The following FOCAD variants were observed in gnomAD, a reference collection of about 807,000 sequenced individuals.
FOCAD encodes focadhesin, also known as KIAA1797.
Under a neutral mutation model 225.6 loss-of-function variants are expected in FOCAD, and 198 were observed. The observed-to-expected ratio is 0.88, with a 90% CI of 0.78 to 0.99. The LOEUF (loss-of-function observed/expected upper bound fraction) is 0.99. Among genes scored for constraint, FOCAD ranks in the 50% least tolerant of loss-of-function variants. The pLI is 0.00. For missense variants in FOCAD, 2,713 were observed against 2,123.6 expected (o/e 1.28, Z -5.46); for synonymous variants, 897 against 755.0 (o/e 1.19, Z -3.08).
intron 4 of FOCAD, among the ~76,000 whole-genome samples, chr9:20,721,070 G>A (rs150141526): frequency 1.4e-4 from 22 of 152,260 alleles, no homozygotes; most frequent in African/African-American, 5.1e-4. Flanking sequence ...ACAGACTGAG[G>A]TAATAGGACA....
intron 22 of FOCAD, among the ~76,000 whole-genome samples, chr9:20,911,254 G>T (rs930976140): frequency 6.6e-6 from 1 of 152,104 alleles, no homozygotes; most frequent in Non-Finnish European, 1.5e-5. Flanking sequence ...TGATATGATT[G>T]AAGCAAATGA....
chr9:20,907,924 A>C (rs1407933938), intron 22 of FOCAD, among the ~76,000 whole-genome samples: 1 of 151,952 alleles, frequency 6.6e-6, no homozygotes, highest in Non-Finnish European at 1.5e-5. Flanking sequence ...TTTGGCGAGG[A>C]CTTCCAGTTG....
rs367913356 is a variant in FOCAD at position 20,789,441 on chromosome 9, G to A, written c.1288G>A (p.Ala430Thr). 6.2e-7 allele frequency: 1 copy of A among 1,613,904 alleles called. No homozygotes were observed. ...TCTTGAAGTAATGACAGACTCGTCT[G>A]CTGCAAGTGACTGGTTGGCTTCAGT... is the stretch of plus-strand genomic sequence containing the variant. ...RILEVMTDSS[A>T]ASDWLASVES... is the part of the protein sequence containing the mutation. The change falls in exon 11 of 44, where the codon GCT becomes ACT. Residue 430 changes from alanine to threonine, a missense_variant. Ala to Thr is a moderately conservative substitution (Grantham distance 58). Transcript: ENST00000338382.
At chr9:20,664,081 A>G (rs1821824270) in intron 2 of FOCAD, among the ~76,000 whole-genome samples, 1 of 152,050 alleles carries the variant, frequency 6.6e-6, no homozygotes, top group South Asian at 2.1e-4. Flanking sequence ...GTTTTTATTA[A>G]TTATTAATGA....
chr9:20,819,650 G>T, intron 11 of FOCAD, 146 bp from the exon 12 acceptor site: 1 of 427,754 alleles, frequency 2.3e-6, no homozygotes, highest in South Asian at 7.1e-5. Flanking sequence ...ATTATCATTA[G>T]CAAGTAATAG....
intron 28 of FOCAD, among the ~76,000 whole-genome samples, chr9:20,935,245 G>A (rs1191753188): frequency 6.6e-6 from 1 of 152,134 alleles, no homozygotes; most frequent in African/African-American, 2.4e-5. Context: ...CCAGGTTTCA[G>A]CAATAGACAA....
rs117069874 is a variant in FOCAD, at chr9:20,957,119, G to A, written c.4132+4054G>A. On this transcript the variant is annotated intron_variant, in intron 35 of 43. Coordinates refer to ENST00000338382, the MANE Select transcript of FOCAD (RefSeq NM_001375567.1). The stretch of plus-strand genomic sequence containing the variant: ...GGCTCTATCACCCAGGGTGAAGTGC[G>A]GTGGCACGATCATGGCTTACTGCAA... Among the ~76,000 whole-genome samples the A allele has an allele frequency of 6.5e-3, 994 of 152,236 alleles. 8 individuals are homozygous for A. Among genetic ancestry groups the A allele is most frequent in the Non-Finnish European group, 0.012 (816 of 68,020 alleles).
At chr9:20,782,630 A>G (rs530371064) in intron 10 of FOCAD, among the ~76,000 whole-genome samples, 2 of 152,358 alleles carry the variant, frequency 1.3e-5, no homozygotes, top group South Asian at 4.1e-4. Context: ...GCCTTTATCA[A>G]AATGAAACAT....
At chr9:20,893,996 G>C (rs1356201158) in intron 21 of FOCAD, among the ~76,000 whole-genome samples, 1 of 152,062 alleles carries the variant, frequency 6.6e-6, no homozygotes, top group African/African-American at 2.4e-5. Flanking sequence ...ATACACAGTA[G>C]TTTTGCTTTC....
At chr9:20,922,507 A>G (rs1034392207) in intron 24 of FOCAD, among the ~76,000 whole-genome samples, 1 of 152,234 alleles carries the variant, frequency 6.6e-6, no homozygotes, top group Non-Finnish European at 1.5e-5. Context: ...CAGAAATGCA[A>G]GAACACATGT....
chr9:20,671,110 C>A (rs756115825), intron 2 of FOCAD, among the ~76,000 whole-genome samples: 5 of 152,022 alleles, frequency 3.3e-5, no homozygotes, highest in Non-Finnish European at 7.4e-5. Flanking sequence ...ATTATTATAT[C>A]ATGGATATAA....
intron 18 of FOCAD, among the ~76,000 whole-genome samples, chr9:20,869,560 A>G (rs960109497): frequency 1.3e-5 from 2 of 152,154 alleles, no homozygotes; most frequent in African/African-American, 4.8e-5. Flanking sequence ...TTAGGGTTGA[A>G]TGAAACAGTA....
chr9:20,833,490 A>C (rs1219489774), intron 15 of FOCAD, among the ~76,000 whole-genome samples: 1 of 152,080 alleles, frequency 6.6e-6, no homozygotes, highest in Admixed American at 6.6e-5. Context: ...ATAAGACAGG[A>C]AGATCTCGCA....
chr9:20,926,597 A>C (rs184767744), intron 26 of FOCAD, among the ~76,000 whole-genome samples, 180 bp downstream of exon 26: 141 of 152,208 alleles, frequency 9.3e-4, no homozygotes, highest in Non-Finnish European at 1.7e-3. Flanking sequence ...CAGCCTGACC[A>C]ACATGGAGAA....
intron 11 of FOCAD, among the ~76,000 whole-genome samples, chr9:20,796,112 G>A (rs1821072083): frequency 6.6e-6 from 1 of 151,998 alleles, no homozygotes; most frequent in Admixed American, 6.6e-5. Context: ...ATGGTTTCCA[G>A]CTTCATCCAT....
intron 23 of FOCAD, among the ~76,000 whole-genome samples, chr9:20,913,736 A>G (rs1400487141): frequency 1.3e-5 from 2 of 152,196 alleles, no homozygotes; most frequent in Admixed American, 6.6e-5. Flanking sequence ...AAAAATGGCA[A>G]TGAAGTTTAA....
intron 15 of FOCAD, among the ~76,000 whole-genome samples, chr9:20,837,447 C>T (rs1259851637): frequency 6.6e-6 from 1 of 151,916 alleles, no homozygotes; most frequent in African/African-American, 2.4e-5. Context: ...TGCCACTGAG[C>T]TGGAAATAAT....
At chr9:20,748,598 A>C (rs1828271957) in intron 5 of FOCAD, among the ~76,000 whole-genome samples, 1 of 152,160 alleles carries the variant, frequency 6.6e-6, no homozygotes, top group Non-Finnish European at 1.5e-5. Context: ...ACTCCTGAAA[A>C]AGCCCAATGG....
chr9:20,754,205 T>C (rs1828834808), intron 5 of FOCAD, among the ~76,000 whole-genome samples: 1 of 152,152 alleles, frequency 6.6e-6, no homozygotes, highest in Non-Finnish European at 1.5e-5. Flanking sequence ...TCTTGAGTAA[T>C]CCATAAATGT....
Sources: allele counts gnomAD v4.1 joint callset (sites outside exome capture counted in the v4.1 genomes callset), GRCh38; gene constraint gnomAD v4.1.1; transcripts MANE v1.5; gene names NCBI Gene and HGNC (gene_info 2026-07-23, HGNC 2026-07-21).